The following NBAS variants were observed in gnomAD, a reference collection of about 807,000 sequenced individuals.
NBAS encodes NAG/BC035112 fusion.
NBAS carries 219 observed loss-of-function variants against 302.5 expected under a neutral mutation model. The observed-to-expected ratio is 0.72, with a 90% confidence interval of 0.65 to 0.81. The LOEUF is 0.81. Ranked by LOEUF, NBAS falls within the 30% of genes least tolerant of loss-of-function variation. NBAS has a pLI of 0.00. For synonymous variants in NBAS, 1,118 were observed against 1,021.6 expected (o/e 1.09, Z -1.80); for missense variants, 2,932 against 2,841.6 (o/e 1.03, Z -0.72).
Position 15,275,604 on chromosome 2 carries a change from G to C in NBAS, c.5604C>G (p.Gly1868=). ...AGGCATGAAGCCACTCCGGTGAAGA[G>C]CCTGGGACTTGTTTAATGAGATGAG... ...GDPHLIKQVP[G]SSPEWLHAYD... Residue 1868 remains glycine (G), a synonymous_variant, in exon 44 of 52, where the codon GGC becomes GGG. Coordinates refer to ENST00000281513, the MANE Select transcript of NBAS (RefSeq NM_015909.4). 1 of 1,614,146 alleles carries C rather than the reference G, an allele frequency of 6.2e-7. No homozygotes were observed. The highest frequency in any genetic ancestry group is 8.5e-7 in the Non-Finnish European group (1 of 1,180,028).
chr2:14,951,848 G>T, the NBAS span, among the ~76,000 whole-genome samples: 1 of 152,122 alleles, frequency 6.6e-6, no homozygotes, highest in African/African-American at 2.4e-5. Flanking sequence ...TTCCTCTTAG[G>T]GCTGCTCTTG....
chr2:15,414,051 T>C (rs745329980), intron 25 of NBAS, among the ~76,000 whole-genome samples: 1 of 152,204 alleles, frequency 6.6e-6, no homozygotes, highest in Non-Finnish European at 1.5e-5. Flanking sequence ...ATTCAATCCA[T>C]CTTGCTTCTC....
At chr2:15,144,049 A>ATCC in the NBAS span, among the ~76,000 whole-genome samples, 1 of 86,230 alleles carries the variant, frequency 1.2e-5, no homozygotes, top group African/African-American at 6.6e-5. Context: ...ATATATAAAA[A>ATCC]TATATATATA....
chr2:15,524,709 C>G (rs1028024397), intron 9 of NBAS, among the ~76,000 whole-genome samples: 2 of 152,108 alleles, frequency 1.3e-5, no homozygotes, highest in Non-Finnish European at 2.9e-5. Context: ...CCCATTGATC[C>G]TATTAAATCT....
chr2:15,293,655 A>AC (rs1227966333), intron 40 of NBAS, among the ~76,000 whole-genome samples: 3 of 151,674 alleles, frequency 2.0e-5, no homozygotes, highest in Non-Finnish European at 4.4e-5. Flanking sequence ...ATTAGAGAAA[A>AC]AAAAAAGAAT....
At chr2:15,270,651 T>C (rs901022992) in intron 44 of NBAS, among the ~76,000 whole-genome samples, 1 of 152,156 alleles carries the variant, frequency 6.6e-6, no homozygotes. Flanking sequence ...TGCTAGGACA[T>C]AGGAAATAAG....
chr2:15,499,161 T>C (rs148990290), intron 11 of NBAS, among the ~76,000 whole-genome samples: 246 of 152,294 alleles, frequency 1.6e-3, no homozygotes, highest in African/African-American at 5.7e-3. Flanking sequence ...ACTCCTGACC[T>C]CAAGTGATCT....
rs369271997 is a variant in NBAS at position 15,287,082 on chromosome 2, G to A, written c.5129C>T (p.Thr1710Met). ...VFMTHLEFLF[T>M]DSGLSTLEIE... ...TGAACTGTGTGCTTACCCACTGTCC[G>A]TGAAGAGGAACTCCAAATGGGTCAT... is the stretch of plus-strand genomic sequence containing the variant. Residue 1710 changes from threonine to methionine, a missense_variant, in exon 42 of 52, where the codon ACG becomes ATG. Physicochemically the swap from Thr to Met is moderately conservative, Grantham distance 81. Transcript: ENST00000281513. 91 of 1,609,346 alleles carry A rather than the reference G, an allele frequency of 5.7e-5. No individual in the cohort carries two copies. The highest frequency in any genetic ancestry group is 7.0e-5 in the Non-Finnish European group (82 of 1,175,756).
Position 15,396,492 on chromosome 2 carries a change from A to G in NBAS, c.3072-17T>C, listed in dbSNP as rs759045785. 2 of 1,546,048 alleles carry G rather than the reference A, an allele frequency of 1.3e-6. No homozygotes were observed. ...GTCTTATCACTAATAAATTAAAAGA[A>G]GAAAAAAAAAAGCCCTTAAGTTTAG... is the stretch of plus-strand genomic sequence containing the variant. On this transcript the variant is annotated splice_polypyrimidine_tract_variant and intron_variant, in intron 26 of 51. Transcript: ENST00000281513.
chr2:15,225,170 T>A (rs1282324170), intron 47 of NBAS, among the ~76,000 whole-genome samples: 1 of 152,196 alleles, frequency 6.6e-6, no homozygotes, highest in Non-Finnish European at 1.5e-5. Context: ...TAGAATATCT[T>A]CCTGGGTTCT....
At chr2:14,830,499 A>G in the NBAS span, among the ~76,000 whole-genome samples, 1 of 152,190 alleles carries the variant, frequency 6.6e-6, no homozygotes, top group Non-Finnish European at 1.5e-5. Context: ...GCATTGTTGG[A>G]TGTTGCACAA....
chr2:15,419,804 T>A (rs547394409), intron 23 of NBAS, among the ~76,000 whole-genome samples: 252 of 152,048 alleles, frequency 1.7e-3, no homozygotes, highest in Middle Eastern at 0.01. Flanking sequence ...CTCTGCCTCC[T>A]GGGTTCACAC....
At chr2:15,274,350 C>T (rs1189051182) in intron 44 of NBAS, among the ~76,000 whole-genome samples, 1 of 152,100 alleles carries the variant, frequency 6.6e-6, no homozygotes. Flanking sequence ...CAGGATAATA[C>T]TAACTAAAAT....
the NBAS span, among the ~76,000 whole-genome samples, chr2:15,053,191 A>G: frequency 6.6e-6 from 1 of 152,222 alleles, no homozygotes; most frequent in Non-Finnish European, 1.5e-5. Flanking sequence ...AGAAGAAGGT[A>G]CATTGATTTT....
chr2:15,065,851 C>T, the NBAS span, among the ~76,000 whole-genome samples: 1 of 152,222 alleles, frequency 6.6e-6, no homozygotes, highest in African/African-American at 2.4e-5. Context: ...CTATCTCCAT[C>T]AAAATCCCAA....
chr2:15,453,231 T>C (rs1210980587), intron 21 of NBAS, among the ~76,000 whole-genome samples: 1 of 152,196 alleles, frequency 6.6e-6, no homozygotes, highest in Non-Finnish European at 1.5e-5. Flanking sequence ...AAAGCAGGAA[T>C]GACCCAGGGT....
At chr2:15,205,559 G>GA (rs910096786) in intron 48 of NBAS, among the ~76,000 whole-genome samples, 12 of 151,752 alleles carry the variant, frequency 7.9e-5, no homozygotes, top group South Asian at 2.1e-4. Context: ...AATAAAGGGG[G>GA]AAAAAAAAGA....
At chr2:15,143,365 C>A in the NBAS span, among the ~76,000 whole-genome samples, 1 of 152,236 alleles carries the variant, frequency 6.6e-6, no homozygotes, top group African/African-American at 2.4e-5. Flanking sequence ...TCAGCACCTT[C>A]ATGTTGCAGG....
the NBAS span, among the ~76,000 whole-genome samples, chr2:15,047,736 T>C: frequency 3.3e-5 from 5 of 152,300 alleles, no homozygotes; most frequent in South Asian, 8.3e-4. Context: ...GCTGGGCCCA[T>C]GCAGGTGGAG....
Sources: allele counts gnomAD v4.1 joint callset (sites outside exome capture counted in the v4.1 genomes callset), GRCh38; gene constraint gnomAD v4.1.1; transcripts MANE v1.5; gene names NCBI Gene and HGNC (gene_info 2026-07-23, HGNC 2026-07-21).